The following FGF13 variants were observed in gnomAD, a reference collection of about 807,000 sequenced individuals.
The protein encoded by FGF13 is fibroblast growth factor 13.
In FGF13, 2 loss-of-function variants were observed where a neutral mutation model predicts 19.5. That is an observed-to-expected ratio of 0.10 (90% confidence interval 0.04 to 0.32). FGF13 has a LOEUF of 0.32. Ranked by LOEUF, FGF13 falls within the 10% of genes least tolerant of loss-of-function variation. The pLI is 1.00. For missense variants in FGF13, 113 were observed against 192.7 expected, an observed-to-expected ratio of 0.59 and a Z score of 2.45; for synonymous variants, 72 against 76.9, an observed-to-expected ratio of 0.94 and a Z score of 0.33.
At chrX:139,024,583 T>C (rs2092193410) in intron 1 of FGF13, among the ~76,000 whole-genome samples, 1 of 111,972 alleles carries the variant, frequency 8.9e-6, no homozygotes. Flanking sequence ...TTGCTGCCCT[T>C]GTCCATAAAC....
intron 1 of FGF13, among the ~76,000 whole-genome samples, chrX:139,083,127 C>T (rs2083381869): frequency 9.0e-6 from 1 of 111,068 alleles, no homozygotes; most frequent in South Asian, 3.9e-4. Flanking sequence ...AAATCTAATG[C>T]CCCAGGAGTC....
At chrX:139,040,093 T>C (rs960331601) in intron 1 of FGF13, among the ~76,000 whole-genome samples, 15 of 112,386 alleles carry the variant, frequency 1.3e-4, no homozygotes, top group African/African-American at 4.5e-4. Context: ...AGTTGAGCAC[T>C]TACCAGGGAC....
Sources: allele counts gnomAD v4.1 joint callset (sites outside exome capture counted in the v4.1 genomes callset), GRCh38; gene constraint gnomAD v4.1.1; transcripts MANE v1.5; gene names NCBI Gene and HGNC (gene_info 2026-07-23, HGNC 2026-07-21).